Variants in SCAPER observed in about 807,000 individuals in gnomAD.
SCAPER encodes S phase cyclin A-associated protein in the endoplasmic reticulum.
In SCAPER, 98 loss-of-function variants were observed where a neutral mutation model predicts 182.2. The observed-to-expected ratio is 0.54, with a 90% confidence interval of 0.46 to 0.64. The LOEUF (loss-of-function observed/expected upper bound fraction) is 0.64, where lower values mean the gene tolerates loss of function less well. SCAPER is among the 30% of genes least tolerant of loss of function. The probability of loss-of-function intolerance (pLI) is 0.00; values close to 1 mark genes in which losing one functional copy is unlikely to be tolerated. For synonymous variants in SCAPER, 605 were observed against 564.6 expected (o/e 1.07, Z -1.01); for missense variants, 1,432 against 1,690.0 (o/e 0.85, Z 2.68).
At chr15:76,706,430 G>GA (rs903897193) in intron 17 of SCAPER, among the ~76,000 whole-genome samples, 1 of 152,082 alleles carries the variant, frequency 6.6e-6, no homozygotes, top group Non-Finnish European at 1.5e-5. Flanking sequence ...CTTTCAGAAG[G>GA]AAACTAATAA....
chr15:76,573,104 T>C (rs1386669554), intron 23 of SCAPER, among the ~76,000 whole-genome samples: 1 of 152,168 alleles, frequency 6.6e-6, no homozygotes, highest in African/African-American at 2.4e-5. Flanking sequence ...AGAGGTCTAT[T>C]GTGCAATATT....
At chr15:76,591,593 C>A (rs2049115106) in intron 22 of SCAPER, among the ~76,000 whole-genome samples, 1 of 152,154 alleles carries the variant, frequency 6.6e-6, no homozygotes, top group Non-Finnish European at 1.5e-5. Context: ...TTCTGAGTAG[C>A]TGGGATTACT....
At chr15:76,447,242 C>A (rs1235110224) in intron 25 of SCAPER, among the ~76,000 whole-genome samples, 1 of 152,200 alleles carries the variant, frequency 6.6e-6, no homozygotes, top group Non-Finnish European at 1.5e-5. Context: ...GTAATCCATG[C>A]TTCTTTTCCT....
chr15:76,866,055 T>C (rs1286308873), intron 2 of SCAPER, among the ~76,000 whole-genome samples: 1 of 152,206 alleles, frequency 6.6e-6, no homozygotes, highest in East Asian at 1.9e-4. Context: ...ACATCTCCCA[T>C]TAAGTATTGG....
intron 22 of SCAPER, among the ~76,000 whole-genome samples, chr15:76,588,859 C>T (rs908961831): frequency 2.6e-5 from 4 of 152,002 alleles, no homozygotes; most frequent in Non-Finnish European, 5.9e-5. Context: ...GGTTCTTTTT[C>T]ATTTGGGTAG....
At chr15:76,448,669 C>G (rs1358707363) in intron 25 of SCAPER, among the ~76,000 whole-genome samples, 1 of 152,144 alleles carries the variant, frequency 6.6e-6, no homozygotes, top group Non-Finnish European at 1.5e-5. Flanking sequence ...GACATATCAA[C>G]ATTTGCAAAA....
intron 27 of SCAPER, among the ~76,000 whole-genome samples, chr15:76,389,630 G>A (rs1465788917): frequency 1.3e-5 from 2 of 150,114 alleles, no homozygotes; most frequent in African/African-American, 2.4e-5. Flanking sequence ...TGGCTAACAC[G>A]GTGAAACCCC....
chr15:76,733,496 C>A (rs2061049804), intron 15 of SCAPER, 112 bp from the exon 16 acceptor site: 1 of 1,295,706 alleles, frequency 7.7e-7, no homozygotes, highest in East Asian at 2.5e-5. Context: ...CGCCTGTGAT[C>A]CTAGCACTTT....
intron 1 of SCAPER, among the ~76,000 whole-genome samples, chr15:76,899,242 G>A (rs1169325599): frequency 6.6e-6 from 1 of 152,156 alleles, no homozygotes; most frequent in African/African-American, 2.4e-5. Context: ...TCAGCTAGCT[G>A]CAACCTCCCT....
At chr15:76,738,845 T>C (rs1335820797) in intron 15 of SCAPER, among the ~76,000 whole-genome samples, 1 of 152,144 alleles carries the variant, frequency 6.6e-6, no homozygotes, top group East Asian at 1.9e-4. Context: ...CACCAAAGTA[T>C]AACACAAAGA....
chr15:76,859,404 T>C (rs2071688039), intron 3 of SCAPER, among the ~76,000 whole-genome samples: 1 of 152,186 alleles, frequency 6.6e-6, no homozygotes, highest in African/African-American at 2.4e-5. Flanking sequence ...AAAACCAGCT[T>C]AGAATAAGCA....
chr15:76,823,672 A>C (rs1485561453), intron 5 of SCAPER, among the ~76,000 whole-genome samples: 1 of 152,104 alleles, frequency 6.6e-6, no homozygotes, highest in Non-Finnish European at 1.5e-5. Context: ...ACAAAGAAGT[A>C]CTGCTTATTT....
At chr15:76,395,891 G>A (rs2044015872) in intron 27 of SCAPER, among the ~76,000 whole-genome samples, 1 of 152,124 alleles carries the variant, frequency 6.6e-6, no homozygotes, top group Non-Finnish European at 1.5e-5. Flanking sequence ...GCCTGTGCTT[G>A]CAGGGTACTA....
chr15:76,660,932 A>G (rs1011063254), intron 21 of SCAPER, among the ~76,000 whole-genome samples: 1 of 152,174 alleles, frequency 6.6e-6, no homozygotes, highest in African/African-American at 2.4e-5. Flanking sequence ...CTAGCAAGAA[A>G]TAAGTAAAAA....
At chr15:76,451,299 TATAA>T (rs1447970572) in intron 25 of SCAPER, among the ~76,000 whole-genome samples, 2 of 152,238 alleles carry the variant, frequency 1.3e-5, no homozygotes, top group African/African-American at 2.4e-5. Flanking sequence ...GGATTTTACT[TATAA>T]ATAAGGATGC....
intron 29 of SCAPER, among the ~76,000 whole-genome samples, chr15:76,375,810 C>G (rs2042519615): frequency 6.6e-6 from 1 of 151,956 alleles, no homozygotes; most frequent in Non-Finnish European, 1.5e-5. Flanking sequence ...ATGGCAAAAC[C>G]CCATCTCTAC....
intron 25 of SCAPER, among the ~76,000 whole-genome samples, chr15:76,462,691 A>G (rs2049284824): frequency 6.6e-6 from 1 of 152,084 alleles, no homozygotes; most frequent in Admixed American, 6.6e-5. Flanking sequence ...GATAGTGATA[A>G]TGGTGGTGAG....
rs183685885 is a variant in SCAPER, at chr15:76,463,851, A to C, written c.3078+7361T>G. On this transcript the variant is annotated intron_variant, in intron 25 of 31. Coordinates refer to ENST00000563290, the MANE Select transcript of SCAPER (RefSeq NM_020843.4). The stretch of plus-strand genomic sequence containing the variant: ...GGGAAGTCCTGGTCAGGGACTCAGA[A>C]GACCAGGGTCCAGGTCATGGTTCTG... 1.5e-3 allele frequency among the ~76,000 whole-genome samples: 232 copies of C among 152,178 alleles called. 1 individual carries two copies. Among genetic ancestry groups the C allele is most frequent in the African/African-American group, 5.3e-3 (220 of 41,522 alleles).
intron 29 of SCAPER, among the ~76,000 whole-genome samples, chr15:76,360,707 C>G (rs1398837730): frequency 8.0e-6 from 1 of 124,296 alleles, no homozygotes; most frequent in African/African-American, 3.5e-5. Flanking sequence ...AACCTATACT[C>G]TTCTTGGCTT....
Sources: gnomAD v4.1 joint callset for allele counts (sites outside exome capture counted in the v4.1 genomes callset) on GRCh38, gnomAD v4.1.1 for gene constraint, MANE v1.5 for transcripts, NCBI Gene and HGNC (gene_info 2026-07-23, HGNC 2026-07-21) for gene names.